The following CLN6 variants were observed in gnomAD, a reference collection of about 807,000 sequenced individuals.
CLN6 encodes the protein ceroid-lipofuscinosis neuronal protein 6.
CLN6 carries 22 observed loss-of-function variants against 33.3 expected under a neutral mutation model. The observed-to-expected ratio is 0.66, with a 90% confidence interval of 0.47 to 0.94. The LOEUF (loss-of-function observed/expected upper bound fraction) is 0.94, where lower values mean the gene tolerates loss of function less well. Among genes scored for constraint, CLN6 ranks in the 40% least tolerant of loss-of-function variants. CLN6 has a pLI of 0.00. For missense variants in CLN6, 387 were observed against 417.1 expected, an observed-to-expected ratio of 0.93 and a Z score of 0.63; for synonymous variants, 201 against 174.6, an observed-to-expected ratio of 1.15 and a Z score of -1.19.
chr15:68,254,821 A>C (rs1472406026), intron 1 of CLN6: 11 of 1,108,806 alleles, frequency 9.9e-6, no homozygotes, highest in South Asian at 4.9e-5. Flanking sequence ...TGAAGCTGGC[A>C]AGGAGGGGAA....
Position 68,234,954 on chromosome 15 carries a change from T to C in CLN6, c.180-16304A>G, listed in dbSNP as rs187377586. ...ATTGCTTGAACCCGGGAGACGGAAGTTGCAGTGAGCCAAGATTGTGCCACT... is the reference window on the plus strand; with the variant it reads ...ATTGCTTGAACCCGGGAGACGGAAGCTGCAGTGAGCCAAGATTGTGCCACT... On this transcript the variant is annotated intron_variant, in intron 1 of 6. Coordinates refer to the CLN6 transcript ENST00000538696. The surrounding 1 kb of genome is among the most constrained non-coding windows in gnomAD (Gnocchi z 4.1). 9.2e-5 allele frequency among the ~76,000 whole-genome samples: 14 copies of C among 152,314 alleles called. No homozygotes were observed. The highest frequency in any genetic ancestry group is 3.4e-4 in the African/African-American group (14 of 41,560).
upstream of CLN6, chr15:68,229,848 T>G: frequency 3.9e-6 from 1 of 259,168 alleles, no homozygotes; most frequent in Non-Finnish European, 6.9e-6. Context: ...TGTGGCGTCC[T>G]CGCGGGGCGG....
chr15:68,227,559 G>A lies in CLN6; in HGVS notation c.83+1943C>T, dbSNP rs574839640. Among the ~76,000 whole-genome samples, 49 of 152,246 alleles carry A rather than the reference G, an allele frequency of 3.2e-4. No homozygotes were observed. In the East Asian group the frequency reaches 3.7e-3, roughly 11 times the overall value. On this transcript the variant is annotated intron_variant, in intron 1 of 6. Coordinates refer to ENST00000249806, the MANE Select transcript of CLN6 (RefSeq NM_017882.3). The surrounding 1 kb of genome is among the most constrained non-coding windows in gnomAD (Gnocchi z 4.1). ...GGGGGCAGAGACACCCTGGGAGACA[G>A]AGAGCTCCCACCCTCACACCACCCC... is the stretch of plus-strand genomic sequence containing the variant.
chr15:68,249,862 T>A (rs1892360641), intron 1 of CLN6, among the ~76,000 whole-genome samples: 1 of 152,128 alleles, frequency 6.6e-6, no homozygotes, highest in Non-Finnish European at 1.5e-5. Context: ...AACCTCTGCC[T>A]CCCGGGTTCA....
chr15:68,220,999 T>TA lies in CLN6; in HGVS notation c.84-2350_84-2349insT, dbSNP rs1555439474. Among the ~76,000 whole-genome samples the TA allele has an allele frequency of 4.1e-5, 6 of 146,114 alleles. No individual in the cohort carries two copies. The highest frequency in any genetic ancestry group is 2.2e-4 in the South Asian group (1 of 4,548). On this transcript the variant is annotated intron_variant, in intron 1 of 6. Coordinates refer to ENST00000249806, the MANE Select transcript of CLN6 (RefSeq NM_017882.3). This position sits in a 1 kb window ranked among gnomAD's most constrained non-coding sequence, Gnocchi z 4.2. The stretch of plus-strand genomic sequence containing the variant: ...TGCCACTATGCCCAGCTAATTTTAT[T>TA]TTATTATTATTATTATTATTATTAT...
intron 3 of CLN6, chr15:68,213,289 AG>A (rs1369905256): frequency 6.6e-6 from 1 of 150,924 alleles, no homozygotes; most frequent in Non-Finnish European, 1.5e-5. Flanking sequence ...CCCGGGCCGG[AG>A]TGCAATGGCG....
chr15:68,233,755 C>T (rs1265664122), upstream of CLN6, among the ~76,000 whole-genome samples: 1 of 152,176 alleles, frequency 6.6e-6, no homozygotes, highest in African/African-American at 2.4e-5. This position sits in a 1 kb window ranked among gnomAD's most constrained non-coding sequence, Gnocchi z 4.3. Context: ...GAGAGGCAGC[C>T]AGGAGGGGCC....
At position 68,211,193 on chromosome 15, in the gene CLN6, T is replaced by G. The variant is rs2093203884; in HGVS notation, c.542+70A>C. ...AGCCCAGACAGCCTTGCTCAGTGTG[T>G]CCCTGAGCCAGTGACAGGGCTAGCC... On this transcript the variant is annotated intron_variant, in intron 5 of 6. Coordinates refer to ENST00000249806, the MANE Select transcript of CLN6 (RefSeq NM_017882.3). The surrounding 1 kb of genome is among the most constrained non-coding windows in gnomAD (Gnocchi z 5.9). 1.5e-6 allele frequency: 2 copies of G among 1,306,548 alleles called. No homozygotes were observed. Among genetic ancestry groups the G allele is most frequent in the African/African-American group, 2.9e-5 (2 of 68,684 alleles). 80.9% of individuals were successfully genotyped at this position (1,306,548 alleles called of 1,614,324 possible).
Position 68,256,859 on chromosome 15 carries a change from C to T in CLN6, c.10G>A (p.Val4Ile). Reference sequence around the variant, plus strand: ...CTCGCTCGCCGCTCCTTCCCGGCAACGGCTGCCATTTTCCGCCCAGGCAAG... The same window carrying T: ...CTCGCTCGCCGCTCCTTCCCGGCAATGGCTGCCATTTTCCGCCCAGGCAAG... The change falls in exon 1 of 7, where the codon GTT becomes ATT. Residue 4 changes from valine to isoleucine, a missense_variant. Coordinates refer to the CLN6 transcript ENST00000538696. This position sits in a 1 kb window ranked among gnomAD's most constrained non-coding sequence, Gnocchi z 4.1. The T allele has an allele frequency of 1.5e-6, 1 of 657,190 alleles. No individual in the cohort carries two copies. Among genetic ancestry groups the T allele is most frequent in the Non-Finnish European group, 2.8e-6 (1 of 359,414 alleles). The allele number at this position is 657,190 out of a possible 1,614,324, so 40.7% of individuals were successfully genotyped here.
At position 68,208,173 on chromosome 15, in the gene CLN6, A is replaced by C. The variant is rs1213482320; in HGVS notation, c.903T>G (p.Ala301=). The C allele has an allele frequency of 6.2e-7, 1 of 1,613,628 alleles. No homozygotes were observed. Among genetic ancestry groups the C allele is most frequent in the Non-Finnish European group, 8.5e-7 (1 of 1,179,910 alleles). The change falls in exon 7 of 7, where the codon GCT becomes GCG. Residue 301 remains alanine (A), a synonymous_variant. Coordinates refer to ENST00000249806, the MANE Select transcript of CLN6 (RefSeq NM_017882.3). The surrounding 1 kb of genome is among the most constrained non-coding windows in gnomAD (Gnocchi z 5.8). ...GACTGCTGACGTGAAGGGTGTAGAA[A>C]GCCCAGGGCTCAGGGACGTAGATGA... ...PGVIYVPEPW[A]FYTLHVSSRH
At position 68,242,158 on chromosome 15, in the gene CLN6, G is replaced by A. The variant is rs866126807; in HGVS notation, c.179+14532C>T. On this transcript the variant is annotated intron_variant, in intron 1 of 6. Transcript: ENST00000538696. The surrounding 1 kb of genome is among the most constrained non-coding windows in gnomAD (Gnocchi z 5.0). ...GCTCTCTGACCAAGAATTCAAAATA[G>A]CAGTTTTAAGGAAACTCAGTGATCT... Among the ~76,000 whole-genome samples the A allele has an allele frequency of 6.6e-6, 1 of 152,080 alleles. No individual in the cohort carries two copies. Among genetic ancestry groups the A allele is most frequent in the Non-Finnish European group, 1.5e-5 (1 of 68,008 alleles).
At position 68,228,487 on chromosome 15, in the gene CLN6, GTCC is replaced by G. The variant is rs2093258500; in HGVS notation, c.83+1012_83+1014del. 6.6e-6 allele frequency among the ~76,000 whole-genome samples: 1 copy of G among 152,084 alleles called. No homozygotes were observed. The highest frequency in any genetic ancestry group is 2.4e-5 in the African/African-American group (1 of 41,408). ...CCTACCCCTAAGTTTTGCAATCTAG[GTCC>G]TCAACTCGAGTCCTAGACTTGCTGC... On this transcript the variant is annotated intron_variant, in intron 1 of 6. Transcript: ENST00000249806. This position sits in a 1 kb window ranked among gnomAD's most constrained non-coding sequence, Gnocchi z 4.4.
chr15:68,245,902 G>A (rs1418267397), intron 1 of CLN6, among the ~76,000 whole-genome samples: 1 of 151,990 alleles, frequency 6.6e-6, no homozygotes, highest in Non-Finnish European at 1.5e-5. Flanking sequence ...AACCAAAAAA[G>A]AACAAGATTA....
Position 68,229,544 on chromosome 15 carries a change from C to A in CLN6, c.41G>T (p.Gly14Val). 1 of 1,468,614 alleles carries A rather than the reference C, an allele frequency of 6.8e-7. No individual in the cohort carries two copies. The highest frequency in any genetic ancestry group is 9.0e-7 in the Non-Finnish European group (1 of 1,115,122). The allele number at this position is 1,468,614 out of a possible 1,614,324, so 91.0% of individuals were successfully genotyped here. ...GGCGCCCAGCTGCGCGCCTGGGCCGCCCGTCGCTCCCAGGTGCTGCCGCCT... is the reference window on the plus strand; with the variant it reads ...GGCGCCCAGCTGCGCGCCTGGGCCGACCGTCGCTCCCAGGTGCTGCCGCCT... The part of the protein sequence containing the change: ...TRRRQHLGAT[G>V]GPGAQLGASF... Residue 14 changes from glycine (G) to valine (V), a missense_variant, in exon 1 of 7, where the codon GGC (glycine) becomes GTC (valine). Transcript: ENST00000249806.
intron 1 of CLN6, among the ~76,000 whole-genome samples, chr15:68,248,013 A>T (rs1472192288): frequency 6.9e-6 from 1 of 144,802 alleles, no homozygotes; most frequent in African/African-American, 2.6e-5. Flanking sequence ...GGGCACTAAC[A>T]GTGAAACTCA....
At chr15:68,216,788 T>C (rs367975192) in intron 2 of CLN6, among the ~76,000 whole-genome samples, 1 of 152,250 alleles carries the variant, frequency 6.6e-6, no homozygotes, top group African/African-American at 2.4e-5. Flanking sequence ...AACTGCTGTC[T>C]TCTTGCTGAT....
At chr15:68,223,437 A>C (rs1210286575) in intron 1 of CLN6, among the ~76,000 whole-genome samples, 1 of 152,216 alleles carries the variant, frequency 6.6e-6, no homozygotes, top group African/African-American at 2.4e-5. Context: ...CTCCTTCCTC[A>C]GTAGCCATCA....
chr15:68,229,392 G>C, intron 1 of CLN6, 110 bp downstream of exon 1: 1 of 850,124 alleles, frequency 1.2e-6, no homozygotes, highest in African/African-American at 1.8e-5. Context: ...GCCCCGGCCA[G>C]CGCCGCACAC....
At chr15:68,253,170 T>A (rs553679074) in intron 1 of CLN6, among the ~76,000 whole-genome samples, 3 of 152,362 alleles carry the variant, frequency 2.0e-5, no homozygotes, top group African/African-American at 7.2e-5. Flanking sequence ...AATGGACATG[T>A]ACCTAATAGC....
Sources: gnomAD v4.1 joint callset for allele counts (sites outside exome capture counted in the v4.1 genomes callset) on GRCh38, gnomAD v4.1.1 for gene constraint, Gnocchi (gnomAD v3.1) non-coding constraint, MANE v1.5 for transcripts, NCBI Gene and HGNC (gene_info 2026-07-23, HGNC 2026-07-21) for gene names.